The following CDH13 variants were observed in gnomAD, a reference collection of about 807,000 sequenced individuals.
CDH13 encodes cadherin-13.
Under a neutral mutation model 63.8 loss-of-function variants are expected in CDH13, and 24 were observed. The ratio of observed to expected loss-of-function variants is 0.38; its 90% confidence interval spans 0.27 to 0.53. The LOEUF is 0.53. CDH13 is among the 20% of genes least tolerant of loss of function. The pLI is 0.85. For missense variants in CDH13, 1,049 were observed against 903.1 expected (o/e 1.16, Z -2.07); for synonymous variants, 503 against 355.3 (o/e 1.42, Z -4.67).
At chr16:82,740,624 C>G (rs2033885219) in intron 1 of CDH13, among the ~76,000 whole-genome samples, 1 of 152,208 alleles carries the variant, frequency 6.6e-6, no homozygotes, top group South Asian at 2.1e-4. Flanking sequence ...TCATTCAGGT[C>G]TGCTCCATGG....
chr16:83,107,125 C>G (rs990020111), intron 3 of CDH13, among the ~76,000 whole-genome samples: 23 of 152,168 alleles, frequency 1.5e-4, no homozygotes, highest in African/African-American at 4.1e-4. Flanking sequence ...GGTGATTTCA[C>G]TGAGAAGAGT....
At chr16:83,646,378 C>T (rs946235736) in intron 8 of CDH13, among the ~76,000 whole-genome samples, 4 of 152,144 alleles carry the variant, frequency 2.6e-5, no homozygotes, top group African/African-American at 7.2e-5. Flanking sequence ...CTGTTGCTGC[C>T]GTTCTGCAGG....
chr16:83,067,543 A>G (rs1181279398), intron 3 of CDH13, among the ~76,000 whole-genome samples: 1 of 152,196 alleles, frequency 6.6e-6, no homozygotes, highest in Non-Finnish European at 1.5e-5. Flanking sequence ...GCAGTTTGGA[A>G]GTATTAATGT....
At chr16:83,414,104 T>G (rs1021104024) in intron 6 of CDH13, among the ~76,000 whole-genome samples, 1 of 152,224 alleles carries the variant, frequency 6.6e-6, no homozygotes, top group Non-Finnish European at 1.5e-5. Flanking sequence ...CAACCTGCTA[T>G]AGTTTTATAG....
intron 4 of CDH13, among the ~76,000 whole-genome samples, chr16:83,187,220 C>G (rs1222701178): frequency 6.6e-6 from 1 of 152,190 alleles, no homozygotes; most frequent in African/African-American, 2.4e-5. Context: ...ATCCACCCAC[C>G]TCGGCTTCCC....
chr16:83,429,652 G>T (rs567609479), intron 6 of CDH13, among the ~76,000 whole-genome samples: 1 of 152,328 alleles, frequency 6.6e-6, no homozygotes, highest in Non-Finnish European at 1.5e-5. Context: ...AAGGTGACCA[G>T]TTGTGGCTAA....
At chr16:83,780,269 C>A in intron 12 of CDH13, 68 bp downstream of exon 12, 1 of 1,062,944 alleles carries the variant, frequency 9.4e-7, no homozygotes, top group Non-Finnish European at 1.4e-6. Flanking sequence ...TCCCAAAATG[C>A]TGTTTCTCTA....
intron 2 of CDH13, among the ~76,000 whole-genome samples, chr16:82,889,677 T>G (rs896241428): frequency 3.3e-5 from 5 of 152,256 alleles, no homozygotes; most frequent in Admixed American, 6.5e-5. Flanking sequence ...TGATGCGTTC[T>G]GACAGGGTTA....
intron 4 of CDH13, among the ~76,000 whole-genome samples, chr16:83,145,742 T>G (rs917322072): frequency 6.6e-6 from 1 of 152,208 alleles, no homozygotes; most frequent in Non-Finnish European, 1.5e-5. Flanking sequence ...TACTTGTCAT[T>G]GCAAGACCTG....
intron 7 of CDH13, among the ~76,000 whole-genome samples, chr16:83,526,018 T>G (rs1489673779): frequency 6.6e-6 from 1 of 152,182 alleles, no homozygotes; most frequent in Non-Finnish European, 1.5e-5. Flanking sequence ...GCATCCTGTG[T>G]TGGACTTCTG....
chr16:83,002,044 C>T (rs955006695), intron 2 of CDH13, among the ~76,000 whole-genome samples: 3 of 152,200 alleles, frequency 2.0e-5, no homozygotes, highest in South Asian at 2.1e-4. Flanking sequence ...AGCACTTCAA[C>T]GTGCCATACT....
At chr16:82,823,085 A>C (rs2038078856) in intron 1 of CDH13, 3 of 152,304 alleles carry the variant, frequency 2.0e-5, no homozygotes, top group Non-Finnish European at 4.4e-5. Context: ...TATGTTTTAC[A>C]AGTTGGCCTG....
intron 1 of CDH13, among the ~76,000 whole-genome samples, chr16:82,834,602 C>A (rs1000496048): frequency 6.6e-6 from 1 of 152,218 alleles, no homozygotes; most frequent in Non-Finnish European, 1.5e-5. Context: ...TTATACTTTG[C>A]CTCTTAGCAG....
At chr16:83,547,333 A>T (rs1267355358) in intron 7 of CDH13, among the ~76,000 whole-genome samples, 1 of 152,168 alleles carries the variant, frequency 6.6e-6, no homozygotes, top group Non-Finnish European at 1.5e-5. Flanking sequence ...TTAGTTTCAG[A>T]GGTACATGTG....
At position 83,460,927 on chromosome 16, in the gene CDH13, C is replaced by T. The variant is rs747318129; in HGVS notation, c.782-25550C>T. ...GCTTAAGCCTGGGCAGTCGAGGTTG[C>T]TGTGATCACTCCACTGCACTCCAGC... On this transcript the variant is annotated intron_variant, in intron 6 of 13. Coordinates refer to ENST00000567109, the MANE Select transcript of CDH13 (RefSeq NM_001257.5). Among the ~76,000 whole-genome samples, 66 of 151,012 alleles carry T rather than the reference C, an allele frequency of 4.4e-4. No individual in the cohort carries two copies. The Middle Eastern group carries it at 0.014, about 32-fold the overall frequency.
At chr16:83,226,224 G>A (rs1447617100) in intron 5 of CDH13, among the ~76,000 whole-genome samples, 2 of 152,298 alleles carry the variant, frequency 1.3e-5, no homozygotes, top group South Asian at 2.1e-4. Flanking sequence ...TTATCTGTCA[G>A]GTGCAGCTGG....
rs557784729 is a variant in CDH13 at position 82,788,151 on chromosome 16, A to G, written c.46-70211A>G. Among the ~76,000 whole-genome samples, 90 of 152,360 alleles carry G rather than the reference A, an allele frequency of 5.9e-4. No individual in the cohort carries two copies. In the South Asian group the frequency reaches 8.7e-3, roughly 15 times the overall value. The stretch of plus-strand genomic sequence containing the variant: ...CCAAGAAACTAGTAGGAATGCATCT[A>G]GGAACCAAAGTGTCTCCTTCCTAGA... On this transcript the variant is annotated intron_variant, in intron 1 of 13. Transcript: ENST00000567109.
At position 83,242,260 on chromosome 16, in the gene CDH13, C is replaced by T. The variant is rs143550050; in HGVS notation, c.636+24763C>T. On this transcript the variant is annotated intron_variant, in intron 5 of 13. Coordinates refer to ENST00000567109, the MANE Select transcript of CDH13 (RefSeq NM_001257.5). The stretch of plus-strand genomic sequence containing the variant: ...TAGTATGTTTCTAAAACAGGAAGTA[C>T]GAGGACTCCAGGACTAAGAGATTTT... Among the ~76,000 whole-genome samples the T allele has an allele frequency of 1.2e-3, 180 of 152,212 alleles. 1 individual carries two copies. In the Middle Eastern group the frequency reaches 0.02, roughly 17 times the overall value.
intron 6 of CDH13, among the ~76,000 whole-genome samples, chr16:83,405,586 C>T (rs752790255): frequency 5.9e-5 from 9 of 152,204 alleles, no homozygotes; most frequent in Non-Finnish European, 1.0e-4. Flanking sequence ...AGACTCCCGA[C>T]CTCCAGAACT....
Sources: gnomAD v4.1 joint callset for allele counts (sites outside exome capture counted in the v4.1 genomes callset) on GRCh38, gnomAD v4.1.1 for gene constraint, MANE v1.5 for transcripts, NCBI Gene and HGNC (gene_info 2026-07-23, HGNC 2026-07-21) for gene names.